ULK4: variants seen among roughly 807,000 people sequenced by gnomAD.
ULK4 encodes the protein unc-51 like kinase 4.
ULK4 carries 133 observed loss-of-function variants against 160.6 expected under a neutral mutation model. That is an observed-to-expected ratio of 0.83 (90% CI 0.72 to 0.96). ULK4 has a LOEUF of 0.96. ULK4 is among the 40% of genes least tolerant of loss of function. ULK4 has a pLI of 0.00. For missense variants in ULK4, 1,580 were observed against 1,499.5 expected (o/e 1.05, Z -0.89); for synonymous variants, 534 against 539.8 (o/e 0.99, Z 0.15).
rs114213712 is a variant in ULK4, at chr3:41,443,371, T to G, written c.3492+12126A>C. Among the ~76,000 whole-genome samples, 715 of 152,342 alleles carry G rather than the reference T, an allele frequency of 4.7e-3. 5 individuals are homozygous for G. The highest frequency in any genetic ancestry group is 0.016 in the African/African-American group (685 of 41,572). On this transcript the variant is annotated intron_variant, in intron 34 of 36. Coordinates refer to ENST00000301831, the MANE Select transcript of ULK4 (RefSeq NM_017886.4). ...AACTTTTGTAAAATGCTACACAGAC[T>G]TATCACTAGGGGACAAAGAGGCAAC...
chr3:41,897,986 T>C (rs1433898251), intron 14 of ULK4, among the ~76,000 whole-genome samples: 1 of 152,166 alleles, frequency 6.6e-6, no homozygotes, highest in East Asian at 1.9e-4. Context: ...CCCTTAAGTA[T>C]CTCCACTCCC....
intron 35 of ULK4, among the ~76,000 whole-genome samples, chr3:41,313,034 A>T (rs2080080949): frequency 6.6e-6 from 1 of 152,196 alleles, no homozygotes; most frequent in South Asian, 2.1e-4. Context: ...GAGTAATGAA[A>T]CAGAAATGAA....
intron 31 of ULK4, among the ~76,000 whole-genome samples, chr3:41,598,670 T>C (rs1458763885): frequency 6.7e-6 from 1 of 149,726 alleles, no homozygotes; most frequent in Admixed American, 6.6e-5. Flanking sequence ...CCCCTACATA[T>C]ACACCCCCAC....
intron 35 of ULK4, among the ~76,000 whole-genome samples, chr3:41,311,485 C>CA (rs1225913884): frequency 1.3e-5 from 2 of 152,198 alleles, no homozygotes; most frequent in Non-Finnish European, 2.9e-5. Flanking sequence ...TTTTGGGACT[C>CA]AGACGGGCTC....
chr3:41,894,644 G>A (rs1698089269), intron 16 of ULK4, among the ~76,000 whole-genome samples: 1 of 152,104 alleles, frequency 6.6e-6, no homozygotes, highest in Admixed American at 6.6e-5. Flanking sequence ...ATTCAAAGTT[G>A]AATAATTACC....
At chr3:41,417,827 G>A (rs927000333) in intron 34 of ULK4, among the ~76,000 whole-genome samples, 33 of 152,288 alleles carry the variant, frequency 2.2e-4, no homozygotes, top group Admixed American at 1.6e-3. Context: ...TATTCTGGCT[G>A]TTGAAAGAAT....
intron 16 of ULK4, among the ~76,000 whole-genome samples, chr3:41,894,364 G>A (rs1698079255): frequency 6.6e-6 from 1 of 152,146 alleles, no homozygotes; most frequent in African/African-American, 2.4e-5. Context: ...ATTAGAAGAT[G>A]TATAGTAAGA....
At chr3:41,631,136 T>C (rs1232947426) in intron 30 of ULK4, among the ~76,000 whole-genome samples, 1 of 152,316 alleles carries the variant, frequency 6.6e-6, no homozygotes, top group East Asian at 1.9e-4. Flanking sequence ...CCTTGAAATG[T>C]TTGTCCTTGC....
intron 35 of ULK4, among the ~76,000 whole-genome samples, chr3:41,337,253 A>T (rs1009820978): frequency 6.6e-6 from 1 of 152,202 alleles, no homozygotes; most frequent in Non-Finnish European, 1.5e-5. Context: ...TTTCTATAAA[A>T]ATAAGAAGTT....
chr3:41,713,325 A>G (rs2125839750), intron 25 of ULK4, among the ~76,000 whole-genome samples: 1 of 152,264 alleles, frequency 6.6e-6, no homozygotes, highest in African/African-American at 2.4e-5. Context: ...GCAACATTCA[A>G]CTCTCAACAA....
intron 34 of ULK4, among the ~76,000 whole-genome samples, chr3:41,417,612 G>A (rs552229833): frequency 2.5e-3 from 385 of 152,252 alleles, no homozygotes; most frequent in Non-Finnish European, 4.4e-3. Context: ...CAAACCCTGG[G>A]TGCCTGTTAC....
chr3:41,465,066 G>T (rs1029011676), intron 32 of ULK4, among the ~76,000 whole-genome samples: 31 of 152,160 alleles, frequency 2.0e-4, no homozygotes, highest in African/African-American at 7.5e-4. Context: ...GATAAGATTA[G>T]AAATGAAGTA....
rs145908990 is a variant in ULK4, at chr3:41,555,641, C to G, written c.3226+10384G>C. 3.5e-4 allele frequency among the ~76,000 whole-genome samples: 53 copies of G among 152,278 alleles called. 1 individual carries two copies. The East Asian group carries it at 9.8e-3, about 28-fold the overall frequency. On this transcript the variant is annotated intron_variant, in intron 32 of 36. Coordinates refer to ENST00000301831, the MANE Select transcript of ULK4 (RefSeq NM_017886.4). Reference sequence around the variant, plus strand: ...CCTCAAAGACTCAAATATACACATGCCATTTGACCCAGCAATCCCATTACT... The same window carrying G: ...CCTCAAAGACTCAAATATACACATGGCATTTGACCCAGCAATCCCATTACT...
intron 17 of ULK4, among the ~76,000 whole-genome samples, chr3:41,850,101 G>A (rs1223145230): frequency 1.3e-5 from 2 of 152,050 alleles, no homozygotes; most frequent in African/African-American, 4.8e-5. Flanking sequence ...TGAGAATGAT[G>A]GTTTCCAGCT....
chr3:41,538,210 T>TA (rs1305646358), intron 32 of ULK4, among the ~76,000 whole-genome samples: 2 of 152,160 alleles, frequency 1.3e-5, no homozygotes, highest in East Asian at 3.9e-4. Flanking sequence ...ATAATCATAT[T>TA]AGAGTCTAGA....
At chr3:41,568,171 T>TTTACCTTGTACCA in intron 31 of ULK4, among the ~76,000 whole-genome samples, 2 of 152,208 alleles carry the variant, frequency 1.3e-5, no homozygotes, top group Non-Finnish European at 2.9e-5. Flanking sequence ...CCTGCCCTTA[T>TTTACCTTGTACCA]GGTGTTTACC....
chr3:41,722,045 T>C (rs139976407), intron 22 of ULK4, among the ~76,000 whole-genome samples: 6 of 152,310 alleles, frequency 3.9e-5, no homozygotes, highest in African/African-American at 9.6e-5. Flanking sequence ...CTTGTACAAA[T>C]TAAACTCTTA....
intron 21 of ULK4, among the ~76,000 whole-genome samples, chr3:41,773,094 A>G (rs529819802): frequency 2.0e-5 from 3 of 152,302 alleles, no homozygotes; most frequent in Admixed American, 6.5e-5. Context: ...GCTATCTATG[A>G]CAAACCCACA....
intron 32 of ULK4, among the ~76,000 whole-genome samples, chr3:41,511,787 T>C (rs941355156): frequency 2.6e-5 from 4 of 152,112 alleles, no homozygotes; most frequent in African/African-American, 9.7e-5. Flanking sequence ...AATCATTCTA[T>C]AAAGCCAGTA....
Sources: gnomAD v4.1 joint callset for allele counts (sites outside exome capture counted in the v4.1 genomes callset) on GRCh38, gnomAD v4.1.1 for gene constraint, MANE v1.5 for transcripts, NCBI Gene and HGNC (gene_info 2026-07-23, HGNC 2026-07-21) for gene names.